The following USP10 variants were observed in gnomAD, a reference collection of about 807,000 sequenced individuals.
USP10 encodes the protein ubiquitin specific peptidase 10, also known as ubiquitin carboxyl-terminal hydrolase 10.
A neutral mutation model predicts 84.5 loss-of-function variants in USP10; 22 were observed. The ratio of observed to expected loss-of-function variants is 0.26; its 90% CI spans 0.19 to 0.37. USP10 has a LOEUF of 0.37. USP10 is among the 10% of genes least tolerant of loss of function. USP10 has a pLI of 1.00. For synonymous variants in USP10, 454 were observed against 387.6 expected, an observed-to-expected ratio of 1.17 and a Z score of -2.01; for missense variants, 1,019 against 998.9, an observed-to-expected ratio of 1.02 and a Z score of -0.27.
At chr16:84,742,073 A>G (rs1350522676) in intron 3 of USP10, among the ~76,000 whole-genome samples, 1 of 151,736 alleles carries the variant, frequency 6.6e-6, no homozygotes, top group Non-Finnish European at 1.5e-5. Flanking sequence ...GTGTTTTTTA[A>G]TTTTTTTATA....
chr16:84,743,150 C>T (rs1186286753), intron 3 of USP10, among the ~76,000 whole-genome samples: 1 of 152,134 alleles, frequency 6.6e-6, no homozygotes, highest in Non-Finnish European at 1.5e-5. Flanking sequence ...AATTCATTTC[C>T]CCTTGATATT....
chr16:84,711,049 G>C (rs1295825243), intron 1 of USP10, among the ~76,000 whole-genome samples: 1 of 152,154 alleles, frequency 6.6e-6, no homozygotes, highest in African/African-American at 2.4e-5. Context: ...GCGCCGAGTG[G>C]AATGGTGGAA....
intron 1 of USP10, among the ~76,000 whole-genome samples, chr16:84,718,722 C>G (rs1362202506): frequency 6.6e-6 from 1 of 151,886 alleles, no homozygotes. Context: ...CGCCACTGCA[C>G]TCCAGGTTGG....
At chr16:84,753,981 G>C (rs1228655920) in intron 4 of USP10, among the ~76,000 whole-genome samples, 1 of 152,178 alleles carries the variant, frequency 6.6e-6, no homozygotes, top group African/African-American at 2.4e-5. Flanking sequence ...GAGGCCTCAT[G>C]CAGCTAGTAG....
At chr16:84,770,511 A>G (rs1048298519) in intron 11 of USP10, among the ~76,000 whole-genome samples, 1 of 152,098 alleles carries the variant, frequency 6.6e-6, no homozygotes, top group East Asian at 1.9e-4. Flanking sequence ...GGTGGCTCAC[A>G]CCTGTAATCC....
intron 10 of USP10, among the ~76,000 whole-genome samples, chr16:84,764,937 A>ATATATATATATAT (rs1364532157): frequency 1.4e-4 from 11 of 76,918 alleles, no homozygotes; most frequent in East Asian, 7.5e-4. Context: ...GAGAGAAAAA[A>ATATATATATATAT]AAATATATAT....
intron 1 of USP10, among the ~76,000 whole-genome samples, chr16:84,714,050 G>C (rs1278159572): frequency 2.0e-5 from 3 of 152,214 alleles, no homozygotes; most frequent in African/African-American, 4.8e-5. Context: ...CTGGGCACCA[G>C]AATAGTAAGG....
chr16:84,736,582 C>G (rs899679906), intron 2 of USP10, among the ~76,000 whole-genome samples: 2 of 152,202 alleles, frequency 1.3e-5, no homozygotes, highest in Non-Finnish European at 2.9e-5. Flanking sequence ...AAACCTCAGT[C>G]GTAATCCTGT....
intron 10 of USP10, 33 bp from the exon 11 acceptor site, chr16:84,768,160 C>G: frequency 1.3e-6 from 2 of 1,548,740 alleles, no homozygotes; most frequent in Middle Eastern, 2.1e-4. Flanking sequence ...GGAGTGGTCT[C>G]TTAATTTTTT....
At chr16:84,712,400 T>C (rs929245175) in intron 1 of USP10, among the ~76,000 whole-genome samples, 8 of 152,058 alleles carry the variant, frequency 5.3e-5, no homozygotes, top group Non-Finnish European at 1.2e-4. Context: ...CTTTCTTGAG[T>C]CTGGTATGGT....
rs757000259 is a variant in USP10, at chr16:84,745,215, G to T, written c.734G>T (p.Gly245Val). 7 of 1,613,160 alleles carry T rather than the reference G, an allele frequency of 4.3e-6. No homozygotes were observed. In the Admixed American group the frequency reaches 8.3e-5, roughly 19 times the overall value. ...DTRTAGQPEG[G>V]PGADFGQSCF... ...AGGACTGCAGGGCAGCCAGAGGGGGGCCCCGGGGCTGATTTTGGTCAGTCC... is the reference window on the plus strand; with the variant it reads ...AGGACTGCAGGGCAGCCAGAGGGGGTCCCCGGGGCTGATTTTGGTCAGTCC... Residue 245 changes from glycine (G) to valine (V), a missense_variant, in exon 4 of 14, where the codon GGC (glycine) becomes GTC (valine). Gly to Val is a moderately radical substitution (Grantham distance 109). This residue lies in a region of USP10 where 787 missense variants were observed against 708.8 expected (regional missense o/e 1.11). Coordinates refer to ENST00000219473, the MANE Select transcript of USP10 (RefSeq NM_005153.3).
intron 13 of USP10, among the ~76,000 whole-genome samples, chr16:84,777,032 C>G (rs922245013): frequency 1.3e-5 from 2 of 152,170 alleles, no homozygotes; most frequent in Admixed American, 1.3e-4. Flanking sequence ...AGGCTGGAAG[C>G]CTATTCTGAT....
intron 12 of USP10, among the ~76,000 whole-genome samples, chr16:84,774,606 G>T (rs1002379766): frequency 1.3e-5 from 2 of 152,008 alleles, no homozygotes; most frequent in Admixed American, 1.3e-4. Context: ...GAGTAGCTGA[G>T]ACTACAGCCG....
intron 1 of USP10, among the ~76,000 whole-genome samples, chr16:84,721,155 G>C (rs1191243231): frequency 6.6e-6 from 1 of 152,134 alleles, no homozygotes. Context: ...GCCTCCCAAA[G>C]TGCTGGGATT....
intron 2 of USP10, among the ~76,000 whole-genome samples, chr16:84,736,335 A>G (rs72797575): frequency 0.022 from 3,339 of 152,348 alleles, 110 homozygotes; most frequent in South Asian, 0.15. Context: ...AAGATGAAAG[A>G]GCATTCTGCC....
intron 1 of USP10, among the ~76,000 whole-genome samples, chr16:84,723,860 A>C (rs565936996): frequency 2.0e-5 from 3 of 152,220 alleles, no homozygotes; most frequent in Non-Finnish European, 4.4e-5. Flanking sequence ...CCAGAATGAC[A>C]TTGAGCCCCC....
In USP10 at chr16:84,760,174, C is replaced by T. The variant is rs1913043414; in HGVS notation, c.1453C>T (p.Leu485Phe). The T allele has an allele frequency of 6.2e-7, 1 of 1,604,494 alleles. No homozygotes were observed. Among genetic ancestry groups the T allele is most frequent in the South Asian group, 1.1e-5 (1 of 89,500 alleles). ...CCTGTGTCCTCTTTCCATTGCAGCT[C>T]TTGGAGATAAAATCGTGAGGGATAT... ...MPVPPKPRQALGDKIVRDIRP... is the reference protein window; with the variant it reads ...MPVPPKPRQAFGDKIVRDIRP... Residue 485 changes from leucine (L) to phenylalanine (F), a missense_variant and splice_region_variant, in exon 8 of 14, where the codon CTT becomes TTT. Transcript: ENST00000219473.
chr16:84,710,130 C>T (rs576704589), intron 1 of USP10, among the ~76,000 whole-genome samples: 6 of 152,056 alleles, frequency 3.9e-5, no homozygotes, highest in Non-Finnish European at 5.9e-5. Flanking sequence ...ATTAGCCGGG[C>T]GTGGTGGCGC....
chr16:84,735,196 GGTGTGTGTGTGTGTGTGTGTGTGTGT>G (rs34240400), intron 2 of USP10, among the ~76,000 whole-genome samples: 1 of 146,228 alleles, frequency 6.8e-6, no homozygotes, highest in Non-Finnish European at 1.5e-5. Flanking sequence ...AGGCCCGGGT[GGTGTGTGTGTGTGTGTGTGTGTGTGT>G]GTGTGTGTGT....
Sources: gnomAD v4.1 joint callset for allele counts (sites outside exome capture counted in the v4.1 genomes callset) on GRCh38, gnomAD v4.1.1 for gene constraint, gnomAD v4.1.1 regional missense constraint, MANE v1.5 for transcripts, NCBI Gene and HGNC (gene_info 2026-07-23, HGNC 2026-07-21) for gene names.